C12orf42: variants seen among roughly 807,000 people sequenced by gnomAD.
The protein encoded by C12orf42 is chromosome 12 open reading frame 42, also known as uncharacterized protein C12orf42.
In C12orf42, 25 loss-of-function variants were observed where a neutral mutation model predicts 21.6. The observed-to-expected ratio is 1.16, with a 90% CI of 0.84 to 1.62. The LOEUF is 1.62. Ranked by LOEUF, C12orf42 falls within the 40% of genes most tolerant of loss-of-function variation. The pLI, the probability that C12orf42 is intolerant of heterozygous loss-of-function variation, is 0.00. For missense variants in C12orf42, 483 were observed against 459.3 expected, an observed-to-expected ratio of 1.05 and a Z score of -0.47; for synonymous variants, 174 against 175.0, an observed-to-expected ratio of 0.99 and a Z score of 0.05.
At chr12:103,235,181 GT>G (rs551955788), downstream of C12orf42, among the ~76,000 whole-genome samples, 476 of 152,228 alleles carry the variant, frequency 3.1e-3, 5 homozygotes, top group African/African-American at 0.011. Flanking sequence ...AGACCCAGAT[GT>G]TCCAGAGTTG....
the C12orf42 span, among the ~76,000 whole-genome samples, chr12:103,217,918 T>A: frequency 6.6e-6 from 1 of 152,176 alleles, no homozygotes; most frequent in African/African-American, 2.4e-5. Flanking sequence ...ACTGTTGAAA[T>A]CCTGACACAT....
At chr12:103,395,423 C>T (rs1405720611) in intron 3 of C12orf42, among the ~76,000 whole-genome samples, 12 of 151,832 alleles carry the variant, frequency 7.9e-5, no homozygotes, top group Non-Finnish European at 1.6e-4. Flanking sequence ...GCAAGCTCCG[C>T]CTCCCGGGTT....
At chr12:103,478,645 A>AACT (rs1184858709) in intron 1 of C12orf42, among the ~76,000 whole-genome samples, 198 bp from the exon 2 acceptor site, 1 of 143,550 alleles carries the variant, frequency 7.0e-6, no homozygotes, top group Non-Finnish European at 1.5e-5. Context: ...GCTGGTCTTG[A>AACT]ACTACTCCTG....
chr12:103,560,328 A>G, the C12orf42 span, among the ~76,000 whole-genome samples: 2 of 9,714 alleles, frequency 2.1e-4, no homozygotes, highest in African/African-American at 4.1e-4. Context: ...TGAGGCTTGA[A>G]GCCAGAGACA....
chr12:103,084,237 T>C, the C12orf42 span, among the ~76,000 whole-genome samples: 1 of 152,220 alleles, frequency 6.6e-6, no homozygotes, highest in Non-Finnish European at 1.5e-5. Flanking sequence ...CTTGTCAAGA[T>C]TTAAGTCACA....
At chr12:103,394,229 G>A (rs965696666) in intron 3 of C12orf42, among the ~76,000 whole-genome samples, 6 of 152,144 alleles carry the variant, frequency 3.9e-5, no homozygotes, top group African/African-American at 7.2e-5. Context: ...TGAGTTCTGC[G>A]CCATGTCATG....
chr12:103,145,663 A>G, the C12orf42 span, among the ~76,000 whole-genome samples: 1 of 152,208 alleles, frequency 6.6e-6, no homozygotes, highest in Non-Finnish European at 1.5e-5. Flanking sequence ...AAACACAAAG[A>G]TGTTATGAAA....
the C12orf42 span, among the ~76,000 whole-genome samples, chr12:103,176,801 C>G: frequency 6.6e-6 from 1 of 152,188 alleles, no homozygotes; most frequent in East Asian, 1.9e-4. Context: ...ATATGGGACT[C>G]TCTCAGAACT....
At chr12:103,108,832 A>G in the C12orf42 span, among the ~76,000 whole-genome samples, 1 of 152,182 alleles carries the variant, frequency 6.6e-6, no homozygotes, top group African/African-American at 2.4e-5. Flanking sequence ...TATTCACAAT[A>G]TAAAAAGAAC....
intron 2 of C12orf42, among the ~76,000 whole-genome samples, chr12:103,419,988 C>G (rs1310706612): frequency 1.3e-5 from 2 of 152,108 alleles, no homozygotes; most frequent in Middle Eastern, 3.4e-3. Context: ...TTTGCATAAA[C>G]AATTATTGGC....
chr12:103,514,301 G>T, the C12orf42 span, among the ~76,000 whole-genome samples: 1 of 152,170 alleles, frequency 6.6e-6, no homozygotes, highest in Non-Finnish European at 1.5e-5. Context: ...ATTTGGATGG[G>T]ACACAGCCAA....
chr12:103,540,000 T>C, the C12orf42 span, among the ~76,000 whole-genome samples: 10 of 151,168 alleles, frequency 6.6e-5, no homozygotes, highest in Non-Finnish European at 1.0e-4. Context: ...TCGTTTTTTG[T>C]TTTTGTTTTT....
At chr12:103,062,508 G>A in the C12orf42 span, among the ~76,000 whole-genome samples, 1 of 151,894 alleles carries the variant, frequency 6.6e-6, no homozygotes, top group East Asian at 1.9e-4. Context: ...AGTCGTGTTA[G>A]TCTTAGTAAT....
the C12orf42 span, among the ~76,000 whole-genome samples, chr12:103,171,104 C>G: frequency 6.6e-6 from 1 of 152,098 alleles, no homozygotes; most frequent in Non-Finnish European, 1.5e-5. Context: ...CTAGATAACA[C>G]TCATCCAAGA....
chr12:103,074,750 C>T, the C12orf42 span, among the ~76,000 whole-genome samples: 33 of 152,208 alleles, frequency 2.2e-4, no homozygotes, highest in South Asian at 6.6e-3. Context: ...GGGCTGGTTG[C>T]TTTATGGCAA....
Position 103,241,414 on chromosome 12 carries a change from C to T in C12orf42, c.*1367-3512G>A, listed in dbSNP as rs373264591. ...ACTGAACAGATCAAGTAACCACGTC[C>T]GGTGGCTGCACCTGCCATTTGGACC... On this transcript the variant is annotated intron_variant and NMD_transcript_variant, in intron 10 of 10. Coordinates refer to the C12orf42 transcript ENST00000547347. 9.2e-5 allele frequency among the ~76,000 whole-genome samples: 14 copies of T among 152,208 alleles called. No homozygotes were observed. In the East Asian group the frequency reaches 9.7e-4, roughly 10 times the overall value.
At chr12:103,487,020 C>T (rs377406302) in intron 1 of C12orf42, among the ~76,000 whole-genome samples, 3 of 152,088 alleles carry the variant, frequency 2.0e-5, no homozygotes, top group South Asian at 2.1e-4. Context: ...TTTGCTCTTG[C>T]TTTTCTAGTT....
At chr12:103,292,223 T>G (rs2036870353) in intron 4 of C12orf42, among the ~76,000 whole-genome samples, 1 of 152,146 alleles carries the variant, frequency 6.6e-6, no homozygotes, top group Non-Finnish European at 1.5e-5. Flanking sequence ...AGTGGACATC[T>G]ATAGAGACAA....
the C12orf42 span, among the ~76,000 whole-genome samples, chr12:103,055,526 A>G: frequency 1.3e-5 from 2 of 151,556 alleles, no homozygotes; most frequent in Non-Finnish European, 3.0e-5. Flanking sequence ...TCATTTTTCT[A>G]TATTGCTTTT....
Sources: gnomAD v4.1 joint callset for allele counts (sites outside exome capture counted in the v4.1 genomes callset) on GRCh38, gnomAD v4.1.1 for gene constraint, MANE v1.5 for transcripts, NCBI Gene and HGNC (gene_info 2026-07-23, HGNC 2026-07-21) for gene names.